Variants in PTPRF observed in about 807,000 individuals in gnomAD.
The protein encoded by PTPRF is receptor-type tyrosine-protein phosphatase F.
PTPRF carries 59 observed loss-of-function variants against 201.8 expected under a neutral mutation model. The observed-to-expected ratio is 0.29, with a 90% CI of 0.24 to 0.36. The LOEUF is 0.36. Among genes scored for constraint, PTPRF ranks in the 10% least tolerant of loss-of-function variants. The pLI, the probability that PTPRF is intolerant of heterozygous loss-of-function variation, is 1.00. For synonymous variants in PTPRF, 1,088 were observed against 1,089.7 expected (o/e 1.00, Z 0.03); for missense variants, 2,132 against 2,690.5 (o/e 0.79, Z 4.59).
chr1:43,601,885 C>T (rs1468480587), intron 13 of PTPRF, among the ~76,000 whole-genome samples, 186 bp from the exon 14 acceptor site: 1 of 152,222 alleles, frequency 6.6e-6, no homozygotes, highest in Non-Finnish European at 1.5e-5. Context: ...CCAGTTGGTG[C>T]TCAGTGAGGC....
intron 14 of PTPRF, among the ~76,000 whole-genome samples, chr1:43,602,862 C>T (rs1654105688): frequency 6.6e-6 from 1 of 152,182 alleles, no homozygotes; most frequent in Non-Finnish European, 1.5e-5. Flanking sequence ...CTGCCTTTCT[C>T]AAGAGGTATT....
Position 43,616,343 on chromosome 1 carries a change from C to T in PTPRF, c.4072-1102C>T, listed in dbSNP as rs1196591580. ...ACGCTTCGCTATTATCATTATTGCT[C>T]TCCGAGGTGAAGAAGAGCCACAGAA... On this transcript the variant is annotated intron_variant, in intron 23 of 33. Coordinates refer to ENST00000359947, the MANE Select transcript of PTPRF (RefSeq NM_002840.5). Among the ~76,000 whole-genome samples, 5 of 151,708 alleles carry T rather than the reference C, an allele frequency of 3.3e-5. No individual in the cohort carries two copies. The East Asian group carries it at 5.8e-4, about 18-fold the overall frequency.
In PTPRF at chr1:43,604,181, T is replaced by C; in HGVS notation, c.3029T>C (p.Val1010Ala). The change falls in exon 16 of 34, where the codon GTG (valine) becomes GCG (alanine). Residue 1010 changes from valine to alanine, a missense_variant. This residue lies in a region of PTPRF where 818 missense variants were observed against 915.3 expected (regional missense o/e 0.89). Transcript: ENST00000359947. Reference protein sequence around the residue: ...SPSIQSRTMPVEQVFAKNFRV... With the variant: ...SPSIQSRTMPAEQVFAKNFRV... ...AGCATCCAGTCCCGGACCATGCCGGTGGAGCAAGGTGTGTGCTGTGGACAT... is the reference window on the plus strand; with the variant it reads ...AGCATCCAGTCCCGGACCATGCCGGCGGAGCAAGGTGTGTGCTGTGGACAT... 1 of 1,613,578 alleles carries C rather than the reference T, an allele frequency of 6.2e-7. No individual in the cohort carries two copies. Among genetic ancestry groups the C allele is most frequent in the Non-Finnish European group, 8.5e-7 (1 of 1,179,742 alleles).
intron 5 of PTPRF, among the ~76,000 whole-genome samples, chr1:43,565,238 C>T (rs1181341511): frequency 6.6e-6 from 1 of 152,148 alleles, no homozygotes; most frequent in Non-Finnish European, 1.5e-5. Flanking sequence ...TAGCCAAGCG[C>T]TCATCCACTT....
intron 11 of PTPRF, among the ~76,000 whole-genome samples, chr1:43,596,701 C>T (rs1207679974): frequency 6.6e-6 from 1 of 152,226 alleles, no homozygotes; most frequent in Non-Finnish European, 1.5e-5. Flanking sequence ...GGCCACTCTT[C>T]CTCGGAAGAG....
Position 43,617,181 on chromosome 1 carries a change from C to T in PTPRF, c.4072-264C>T, listed in dbSNP as rs181678265. Among the ~76,000 whole-genome samples the T allele has an allele frequency of 2.0e-5, 3 of 152,236 alleles. No individual in the cohort carries two copies. In the East Asian group the frequency reaches 5.8e-4, roughly 29 times the overall value. On this transcript the variant is annotated intron_variant, in intron 23 of 33. Transcript: ENST00000359947. ...GTGCAGGGCTTCGAGAGACCCTTCA[C>T]CTGCCCCATCCCAGCTCAGACCACT...
intron 6 of PTPRF, chr1:43,575,869 G>T: frequency 1.5e-6 from 2 of 1,348,648 alleles, no homozygotes; most frequent in Admixed American, 2.0e-5. Context: ...TTATACTAAT[G>T]CTTCTCTCTG....
chr1:43,577,017 A>G (rs1358807460), intron 6 of PTPRF, among the ~76,000 whole-genome samples: 1 of 152,022 alleles, frequency 6.6e-6, no homozygotes, highest in Non-Finnish European at 1.5e-5. Context: ...TGTTGGTTCC[A>G]GATTTGGGGA....
chr1:43,603,431 G>T lies in PTPRF; in HGVS notation c.2356G>T (p.Gly786Cys), dbSNP rs747692299. Reference sequence around the variant, plus strand: ...CCTCCCTCAGGAAACCACTATCAGCGGCCTGACCCCGGAGACCACCTACTC... The same window carrying T: ...CCTCCCTCAGGAAACCACTATCAGCTGCCTGACCCCGGAGACCACCTACTC... ...ESEDYETTIS[G>C]LTPETTYSVT... is the part of the protein sequence containing the mutation. The change falls in exon 15 of 34, where the codon GGC becomes TGC. Residue 786 changes from glycine to cysteine, a missense_variant. Around this residue, in one of 6 missense-constraint regions of PTPRF, gnomAD observed 818 missense variants for 915.3 expected, o/e 0.89. Coordinates refer to ENST00000359947, the MANE Select transcript of PTPRF (RefSeq NM_002840.5). The surrounding 1 kb of genome is among the most constrained non-coding windows in gnomAD (Gnocchi z 5.8). 2 of 1,614,070 alleles carry T rather than the reference G, an allele frequency of 1.2e-6. No homozygotes were observed. Among genetic ancestry groups the T allele is most frequent in the South Asian group, 2.2e-5 (2 of 91,074 alleles).
chr1:43,553,532 G>C lies in PTPRF; in HGVS notation c.132G>C (p.Gly44=), dbSNP rs1645160921. 1 of 1,614,060 alleles carries C rather than the reference G, an allele frequency of 6.2e-7. No homozygotes were observed. The highest frequency in any genetic ancestry group is 2.2e-5 in the East Asian group (1 of 44,874). ...TTAAAGTCCCTGAGGACCAGACTGG[G>C]CTGTCAGGAGGGGTAGCCTCCTTCG... is the stretch of plus-strand genomic sequence containing the variant. ...VFIKVPEDQT[G]LSGGVASFVC... The change falls in exon 4 of 34, where the codon GGG becomes GGC. Residue 44 remains glycine (G), a synonymous_variant. Transcript: ENST00000359947. This position sits in a 1 kb window ranked among gnomAD's most constrained non-coding sequence, Gnocchi z 4.1.
intron 7 of PTPRF, among the ~76,000 whole-genome samples, chr1:43,581,361 A>C (rs1379062936): frequency 1.3e-5 from 2 of 152,152 alleles, no homozygotes; most frequent in African/African-American, 2.4e-5. Context: ...TCTCTCACAC[A>C]CACATACGAC....
chr1:43,606,992 G>T (rs200879320), intron 21 of PTPRF, 24 bp downstream of exon 21: 1 of 1,610,016 alleles, frequency 6.2e-7, no homozygotes. Context: ...TCAGAGCTCC[G>T]GGAACGGCCA....
At chr1:43,523,042 C>T (rs1643001619), upstream of PTPRF, among the ~76,000 whole-genome samples, 1 of 152,176 alleles carries the variant, frequency 6.6e-6, no homozygotes. Flanking sequence ...ACCAGTGAGG[C>T]ATCAGCAGAG....
In PTPRF at chr1:43,597,900, C is replaced by T. The variant is rs985815285; in HGVS notation, c.1966C>T (p.Arg656Trp). ...GGCGGTGGACGGCGAGGACCGCGGG[C>T]GGCATGTGGTGGATGGCATCAGCCG... The part of the protein sequence containing the change: ...YEAVDGEDRG[R>W]HVVDGISREH... The change falls in exon 12 of 34, where the codon CGG (arginine) becomes TGG (tryptophan). Residue 656 changes from arginine (R) to tryptophan (W), a missense_variant. Coordinates refer to ENST00000359947, the MANE Select transcript of PTPRF (RefSeq NM_002840.5). 1.2e-6 allele frequency: 2 copies of T among 1,605,102 alleles called. No homozygotes were observed. Among genetic ancestry groups the T allele is most frequent in the Middle Eastern group, 1.7e-4 (1 of 6,052 alleles).
Position 43,537,441 on chromosome 1 carries a change from T to G in PTPRF, c.-125-757T>G, listed in dbSNP as rs1224210989. Among the ~76,000 whole-genome samples, 1 of 152,262 alleles carries G rather than the reference T, an allele frequency of 6.6e-6. No homozygotes were observed. The highest frequency in any genetic ancestry group is 2.4e-5 in the African/African-American group (1 of 41,472). The stretch of plus-strand genomic sequence containing the variant: ...GTTTTCTTTGAACTCATTCATGCGT[T>G]CATCCACTCATTCAGTGTATGCTGA... On this transcript the variant is annotated intron_variant, in intron 1 of 33. Coordinates refer to ENST00000359947, the MANE Select transcript of PTPRF (RefSeq NM_002840.5). This position sits in a 1 kb window ranked among gnomAD's most constrained non-coding sequence, Gnocchi z 4.8.
chr1:43,621,165 G>T lies in PTPRF; in HGVS notation c.5588G>T (p.Gly1863Val). 2 of 1,614,174 alleles carry T rather than the reference G, an allele frequency of 1.2e-6. No homozygotes were observed. Among genetic ancestry groups the T allele is most frequent in the African/African-American group, 1.3e-5 (1 of 75,068 alleles). The stretch of plus-strand genomic sequence containing the variant: ...GTCCTGGAGCGCATGCGCTACGAGG[G>T]CGTGGTCGACATGTTTCAGACCGTG... ...SIVLERMRYE[G>V]VVDMFQTVKT... Residue 1863 changes from glycine (G) to valine (V), a missense_variant, in exon 33 of 34, where the codon GGC becomes GTC. Transcript: ENST00000359947.
intron 12 of PTPRF, 121 bp downstream of exon 12, chr1:43,598,174 G>T: frequency 9.2e-7 from 1 of 1,088,862 alleles, no homozygotes; most frequent in East Asian, 2.8e-5. Context: ...TGGTTCAGGT[G>T]TAATGGCCTA....
Position 43,606,842 on chromosome 1 carries a change from A to G in PTPRF, c.3731A>G (p.Asp1244Gly). Residue 1244 changes from aspartate to glycine, a missense_variant, in exon 21 of 34, where the codon GAT (aspartate) becomes GGT (glycine). This residue lies in a region of PTPRF where 818 missense variants were observed against 915.3 expected (regional missense o/e 0.89). Transcript: ENST00000359947. ...CGCTATGCCTCCAGCCCCTACTCGG[A>G]TGAGATCGTGGTCCAGGTGACACCA... is the stretch of plus-strand genomic sequence containing the variant. Reference protein sequence around the residue: ...QKRYASSPYSDEIVVQVTPAQ... With the variant: ...QKRYASSPYSGEIVVQVTPAQ... The G allele has an allele frequency of 6.2e-7, 1 of 1,613,998 alleles. No individual in the cohort carries two copies. Among genetic ancestry groups the G allele is most frequent in the South Asian group, 1.1e-5 (1 of 91,086 alleles).
rs983179950 is a variant in PTPRF at position 43,588,850 on chromosome 1, A to T, written c.799A>T (p.Met267Leu). The T allele has an allele frequency of 5.6e-6, 9 of 1,613,976 alleles. No homozygotes were observed. The African/African-American group carries it at 6.7e-5, about 12-fold the overall frequency. ...ACCCATGCCCTACGTGAAGTGGATG[A>T]TGGGGGCCGAGGAGCTCACCAAGGA... Reference protein sequence around the residue: ...GAPMPYVKWMMGAEELTKEDE... With the variant: ...GAPMPYVKWMLGAEELTKEDE... Residue 267 changes from methionine (M) to leucine (L), a missense_variant, in exon 8 of 34, where the codon ATG (methionine) becomes TTG (leucine). Around this residue, in one of 6 missense-constraint regions of PTPRF, gnomAD observed 297 missense variants for 454.0 expected, o/e 0.65. Coordinates refer to ENST00000359947, the MANE Select transcript of PTPRF (RefSeq NM_002840.5). This position sits in a 1 kb window ranked among gnomAD's most constrained non-coding sequence, Gnocchi z 5.3.
Sources: allele counts gnomAD v4.1 joint callset (sites outside exome capture counted in the v4.1 genomes callset), GRCh38; gene constraint gnomAD v4.1.1; regional missense constraint gnomAD v4.1.1; non-coding constraint Gnocchi (gnomAD v3.1); transcripts MANE v1.5; gene names NCBI Gene and HGNC (gene_info 2026-07-23, HGNC 2026-07-21).